Variants in DUSP16 observed in about 807,000 individuals in gnomAD.
The protein encoded by DUSP16 is dual specificity protein phosphatase 16.
A neutral mutation model predicts 58.3 loss-of-function variants in DUSP16; 21 were observed. The observed-to-expected ratio is 0.36, with a 90% CI of 0.26 to 0.52. The LOEUF (loss-of-function observed/expected upper bound fraction) is 0.52. Among genes scored for constraint, DUSP16 ranks in the 20% least tolerant of loss-of-function variants. The pLI is 0.94. For synonymous variants in DUSP16, 320 were observed against 323.8 expected, an observed-to-expected ratio of 0.99 and a Z score of 0.12; for missense variants, 726 against 819.0, an observed-to-expected ratio of 0.89 and a Z score of 1.39.
chr12:12,488,486 A>C (rs984541181), intron 4 of DUSP16, among the ~76,000 whole-genome samples: 3 of 152,198 alleles, frequency 2.0e-5, no homozygotes, highest in Non-Finnish European at 2.9e-5. Context: ...CACTCAAAAC[A>C]ATCTGTTCAA....
intron 4 of DUSP16, among the ~76,000 whole-genome samples, chr12:12,492,123 C>T (rs1943769086): frequency 6.6e-6 from 1 of 152,182 alleles, no homozygotes; most frequent in Non-Finnish European, 1.5e-5. Flanking sequence ...CTGAACATGG[C>T]CAGAGAAAAA....
rs143297088 is a variant in DUSP16 at position 12,535,567 on chromosome 12, T to C, written c.-365-14104A>G. Among the ~76,000 whole-genome samples the C allele has an allele frequency of 3.6e-3, 546 of 152,290 alleles. 4 individuals carry two copies. The highest frequency in any genetic ancestry group is 0.012 in the African/African-American group (516 of 41,566). ...ACACCTTCCTATCAAAGTCTCAATTTCCCACTCTAAAATACCAATATGTCA... is the reference window on the plus strand; with the variant it reads ...ACACCTTCCTATCAAAGTCTCAATTCCCCACTCTAAAATACCAATATGTCA... On this transcript the variant is annotated intron_variant, in intron 1 of 6. Transcript: ENST00000298573.
chr12:12,531,599 A>G (rs1369989840), intron 1 of DUSP16, among the ~76,000 whole-genome samples: 1 of 152,270 alleles, frequency 6.6e-6, no homozygotes, highest in African/African-American at 2.4e-5. Flanking sequence ...ACAAGGAGGT[A>G]GTTTCAAGAA....
chr12:12,537,046 A>G (rs374730200), intron 1 of DUSP16, among the ~76,000 whole-genome samples: 4 of 152,346 alleles, frequency 2.6e-5, no homozygotes, highest in South Asian at 2.1e-4. Flanking sequence ...TCCATCTCAA[A>G]AAAACAGGCT....
Position 12,521,050 on chromosome 12 carries a change from C to T in DUSP16, c.49G>A (p.Ala17Thr). The change falls in exon 2 of 7, where the codon GCT (alanine) becomes ACT (threonine). Residue 17 changes from alanine (A) to threonine (T), a missense_variant. Coordinates refer to ENST00000298573, the MANE Select transcript of DUSP16 (RefSeq NM_030640.3). The stretch of plus-strand genomic sequence containing the variant: ...TTTTCCGTTCCACTTTCCAGCAGAG[C>T]CACCAACCTCTCAGTAACAATTTGA... ...GTQIVTERLV[A>T]LLESGTEKVL... The T allele has an allele frequency of 6.2e-7, 1 of 1,614,172 alleles. No homozygotes were observed. Among genetic ancestry groups the T allele is most frequent in the Non-Finnish European group, 8.5e-7 (1 of 1,180,032 alleles).
intron 4 of DUSP16, among the ~76,000 whole-genome samples, chr12:12,488,696 C>T (rs552573058): frequency 4.6e-5 from 7 of 152,332 alleles, no homozygotes; most frequent in Admixed American, 3.9e-4. Flanking sequence ...GGGCAATTTT[C>T]TTCCTATATT....
rs1944230597 is a variant in DUSP16, at chr12:12,521,134, T to C, written c.-36A>G. On this transcript the variant is annotated 5_prime_UTR_variant, in exon 2 of 7. Coordinates refer to ENST00000298573, the MANE Select transcript of DUSP16 (RefSeq NM_030640.3). ...AGTCCTCTTTTCCCACCTCCTTCTT[T>C]AATTTGCCACGATGATGTAATGGTG... The C allele has an allele frequency of 3.7e-6, 6 of 1,602,628 alleles. No individual in the cohort carries two copies. The highest frequency in any genetic ancestry group is 5.1e-6 in the Non-Finnish European group (6 of 1,174,128).
At chr12:12,505,668 A>G (rs1244835029) in intron 3 of DUSP16, among the ~76,000 whole-genome samples, 1 of 152,168 alleles carries the variant, frequency 6.6e-6, no homozygotes, top group Non-Finnish European at 1.5e-5. Flanking sequence ...TGGTACAGTG[A>G]TCCTAGATCA....
chr12:12,473,887 G>A lies in DUSP16; in HGVS notation c.*2946C>T, dbSNP rs1256242659. On this transcript the variant is annotated 3_prime_UTR_variant, in exon 7 of 7. Transcript: ENST00000298573. The stretch of plus-strand genomic sequence containing the variant: ...TGTTATATCGAAATGGGCCATGTGT[G>A]TGTAGCTGGCCTTTTTTTTCCTACC... Among the ~76,000 whole-genome samples the A allele has an allele frequency of 1.3e-5, 2 of 152,226 alleles. No homozygotes were observed. Among genetic ancestry groups the A allele is most frequent in the Middle Eastern group, 3.2e-3 (1 of 316 alleles).
At chr12:12,478,703 G>C (rs1943506206) in intron 6 of DUSP16, among the ~76,000 whole-genome samples, 1 of 152,208 alleles carries the variant, frequency 6.6e-6, no homozygotes, top group Admixed American at 6.5e-5. Flanking sequence ...ACCATCAAAA[G>C]TACAGTATAA....
chr12:12,539,583 T>G (rs930117896), intron 1 of DUSP16, among the ~76,000 whole-genome samples: 6 of 152,170 alleles, frequency 3.9e-5, no homozygotes, highest in African/African-American at 1.4e-4. Context: ...TACTAACGGC[T>G]AATCACCATC....
intron 4 of DUSP16, among the ~76,000 whole-genome samples, chr12:12,490,323 T>C (rs1943744263): frequency 6.6e-6 from 1 of 152,114 alleles, no homozygotes; most frequent in Non-Finnish European, 1.5e-5. Context: ...AAATCTACTA[T>C]CCAGATGCTA....
At chr12:12,525,219 C>T (rs1338819241) in intron 1 of DUSP16, among the ~76,000 whole-genome samples, 2 of 152,048 alleles carry the variant, frequency 1.3e-5, no homozygotes, top group African/African-American at 4.8e-5. Flanking sequence ...ATCTATATTT[C>T]CATGGGCCTT....
intron 1 of DUSP16, among the ~76,000 whole-genome samples, chr12:12,538,046 G>C (rs1944495710): frequency 6.6e-6 from 1 of 152,158 alleles, no homozygotes. Flanking sequence ...CCCACCTCTG[G>C]AGATTGATTC....
At chr12:12,542,337 C>A (rs1411261100) in intron 1 of DUSP16, among the ~76,000 whole-genome samples, 1 of 144,400 alleles carries the variant, frequency 6.9e-6, no homozygotes, top group Non-Finnish European at 1.5e-5. Context: ...CACGCCATTG[C>A]ACTCCAGCCT....
chr12:12,516,293 C>T (rs1393322167), intron 3 of DUSP16, among the ~76,000 whole-genome samples: 2 of 152,164 alleles, frequency 1.3e-5, no homozygotes, highest in African/African-American at 4.8e-5. Flanking sequence ...GGGTGCACCA[C>T]CACACCCAGC....
At chr12:12,520,842 T>A in intron 2 of DUSP16, 29 bp downstream of exon 2, 2 of 1,610,370 alleles carry the variant, frequency 1.2e-6, no homozygotes, top group Non-Finnish European at 1.7e-6. Flanking sequence ...GTCCATTTAT[T>A]TTGAAAAGGC....
At chr12:12,487,420 C>A (rs1419436972) in intron 4 of DUSP16, among the ~76,000 whole-genome samples, 1 of 151,940 alleles carries the variant, frequency 6.6e-6, no homozygotes, top group Non-Finnish European at 1.5e-5. Flanking sequence ...GAAGCCCACA[C>A]ATCATTCATA....
At chr12:12,539,143 T>C (rs1944512472) in intron 1 of DUSP16, among the ~76,000 whole-genome samples, 1 of 152,184 alleles carries the variant, frequency 6.6e-6, no homozygotes, top group Non-Finnish European at 1.5e-5. Context: ...ACAGGTCACT[T>C]GGAAGGCAGT....
Sources: gnomAD v4.1 joint callset for allele counts (sites outside exome capture counted in the v4.1 genomes callset) on GRCh38, gnomAD v4.1.1 for gene constraint, MANE v1.5 for transcripts, NCBI Gene and HGNC (gene_info 2026-07-23, HGNC 2026-07-21) for gene names.